MYH11: variants seen among roughly 807,000 people sequenced by gnomAD.
MYH11 encodes myosin heavy chain 11.
MYH11 carries 80 observed loss-of-function variants against 246.6 expected under a neutral mutation model. The observed-to-expected ratio is 0.32, with a 90% CI of 0.27 to 0.39. The LOEUF is 0.39. Ranked by LOEUF, MYH11 falls within the 10% of genes least tolerant of loss-of-function variation. The pLI is 1.00. For synonymous variants in MYH11, 1,071 were observed against 1,015.5 expected (o/e 1.05, Z -1.04); for missense variants, 2,158 against 2,546.8 (o/e 0.85, Z 3.29).
At chr16:15,788,095 T>TTTTTTTTTTTTTTTTTTTTTTTTTAAA in intron 4 of MYH11, among the ~76,000 whole-genome samples, 1 of 99,522 alleles carries the variant, frequency 1.0e-5, no homozygotes, top group Admixed American at 1.2e-4. Context: ...TTTTTTTTTT[T>TTTTTTTTTTTTTTTTTTTTTTTTTAAA]ACCAAGATGG....
chr16:15,748,398 C>G lies in MYH11; in HGVS notation c.2059-230G>C, dbSNP rs544873799. Among the ~76,000 whole-genome samples the G allele has an allele frequency of 2.6e-5, 4 of 152,330 alleles. No homozygotes were observed. In the South Asian group the frequency reaches 8.3e-4, roughly 32 times the overall value. ...ATGATCTCTCTGGTTCTTGGTGACA[C>G]TAGCATCGCCTGGCTGGAACCTGGG... On this transcript the variant is annotated intron_variant, in intron 16 of 40. Coordinates refer to ENST00000300036, the MANE Select transcript of MYH11 (RefSeq NM_002474.3).
At chr16:15,831,172 G>A (rs867131291) in intron 2 of MYH11, among the ~76,000 whole-genome samples, 13 of 151,950 alleles carry the variant, frequency 8.6e-5, no homozygotes, top group African/African-American at 1.4e-4. Flanking sequence ...ACTCCATCTC[G>A]AAAAATAATA....
Position 15,838,212 on chromosome 16 carries a change from A to G in MYH11, c.41T>C (p.Leu14Pro), listed in dbSNP as rs745386427. The change falls in exon 2 of 41, where the codon CTC becomes CCC. Residue 14 changes from leucine to proline, a missense_variant. Physicochemically the swap from Leu to Pro is moderately conservative, Grantham distance 98. Coordinates refer to ENST00000300036, the MANE Select transcript of MYH11 (RefSeq NM_002474.3). ...GTTGATGAAGTTTTTGTCCACAAAGAGGAACTTCTCATCGTCACTGAGTTG... is the reference window on the plus strand; with the variant it reads ...GTTGATGAAGTTTTTGTCCACAAAGGGGAACTTCTCATCGTCACTGAGTTG... The part of the protein sequence containing the change: ...KGQLSDDEKF[L>P]FVDKNFINSP... 6.2e-7 allele frequency: 1 copy of G among 1,614,074 alleles called. No individual in the cohort carries two copies. The highest frequency in any genetic ancestry group is 8.5e-7 in the Non-Finnish European group (1 of 1,180,022).
intron 24 of MYH11, 129 bp from the exon 25 acceptor site, chr16:15,737,749 G>A (rs1009453301): frequency 2.5e-5 from 23 of 926,564 alleles, no homozygotes; most frequent in African/African-American, 1.3e-4. Context: ...TCATAGTCAC[G>A]GTCTGGACCA....
intron 3 of MYH11, among the ~76,000 whole-genome samples, chr16:15,811,836 A>G (rs1281186364): frequency 6.6e-6 from 1 of 152,018 alleles, no homozygotes; most frequent in African/African-American, 2.4e-5. Context: ...TAATCCCCTG[A>G]GTGTGGCCAT....
intron 8 of MYH11, among the ~76,000 whole-genome samples, chr16:15,775,143 C>T (rs771451641): frequency 2.6e-5 from 4 of 152,170 alleles, no homozygotes; most frequent in Non-Finnish European, 5.9e-5. Flanking sequence ...TTAAGCTATG[C>T]GATTTGTATA....
chr16:15,812,359 C>T lies in MYH11; in HGVS notation c.502+10896G>A, dbSNP rs187403330. Among the ~76,000 whole-genome samples, 36 of 151,906 alleles carry T rather than the reference C, an allele frequency of 2.4e-4. No homozygotes were observed. The East Asian group carries it at 6.4e-3, about 27-fold the overall frequency. ...GAGGGCACACCCACACAGGCATGCA[C>T]GAGAAGGAAGAATGCCATAGTTGCC... On this transcript the variant is annotated intron_variant, in intron 3 of 40. Transcript: ENST00000300036.
intron 3 of MYH11, among the ~76,000 whole-genome samples, chr16:15,809,139 T>C (rs62030621): frequency 0.11 from 17,414 of 152,158 alleles, 1,137 homozygotes; most frequent in East Asian, 0.15. Flanking sequence ...TTCCCCACTC[T>C]CTGGACCTCC....
intron 9 of MYH11, among the ~76,000 whole-genome samples, chr16:15,770,821 T>A (rs540972656): frequency 1.3e-5 from 2 of 152,292 alleles, no homozygotes; most frequent in South Asian, 4.1e-4. Context: ...GAATCTACTC[T>A]GTTCTTTGGA....
chr16:15,735,908 T>C (rs2041104065), intron 25 of MYH11, among the ~76,000 whole-genome samples: 1 of 151,798 alleles, frequency 6.6e-6, no homozygotes, highest in Non-Finnish European at 1.5e-5. Flanking sequence ...TGTAGATGCT[T>C]TCTGAATGTT....
In MYH11 at chr16:15,720,566, T is replaced by C. The variant is rs144000719; in HGVS notation, c.4792-254A>G. 7.3e-3 allele frequency among the ~76,000 whole-genome samples: 1,091 copies of C among 150,232 alleles called. 12 individuals carry two copies. Among genetic ancestry groups the C allele is most frequent in the African/African-American group, 0.026 (1,062 of 40,792 alleles). On this transcript the variant is annotated intron_variant, in intron 33 of 40. Coordinates refer to ENST00000300036, the MANE Select transcript of MYH11 (RefSeq NM_002474.3). ...GAGTTCAAGACCAGCCTGGCCAACA[T>C]GGTGAAACCTTGTCTCCACTGAAAA... is the stretch of plus-strand genomic sequence containing the variant.
At chr16:15,704,774 T>C (rs2039359786) in intron 40 of MYH11, among the ~76,000 whole-genome samples, 1 of 152,238 alleles carries the variant, frequency 6.6e-6, no homozygotes, top group Admixed American at 6.5e-5. Flanking sequence ...TCGTGGAACA[T>C]ACCGCACATG....
At chr16:15,830,482 T>C (rs1367091498) in intron 2 of MYH11, among the ~76,000 whole-genome samples, 1 of 152,112 alleles carries the variant, frequency 6.6e-6, no homozygotes, top group Non-Finnish European at 1.5e-5. Flanking sequence ...ATGGCCAAAA[T>C]ACACAGTTAG....
At chr16:15,751,841 C>T (rs2041581557) in intron 15 of MYH11, among the ~76,000 whole-genome samples, 1 of 151,732 alleles carries the variant, frequency 6.6e-6, no homozygotes, top group African/African-American at 2.4e-5. Flanking sequence ...CTCTTTTGCC[C>T]AGGCTGGAGT....
chr16:15,747,150 G>A (rs961552429), intron 19 of MYH11, among the ~76,000 whole-genome samples: 1 of 152,008 alleles, frequency 6.6e-6, no homozygotes, highest in Admixed American at 6.6e-5. Context: ...AGGAGTGAGG[G>A]AGGGAGGTAA....
intron 27 of MYH11, among the ~76,000 whole-genome samples, chr16:15,727,739 C>G (rs774731389): frequency 6.6e-6 from 1 of 152,332 alleles, no homozygotes; most frequent in East Asian, 1.9e-4. Flanking sequence ...CTTTGGGAAG[C>G]AGGCAGAAGG....
chr16:15,825,717 G>A (rs2043544612), intron 2 of MYH11, among the ~76,000 whole-genome samples: 1 of 152,116 alleles, frequency 6.6e-6, no homozygotes, highest in African/African-American at 2.4e-5. Context: ...AATCAGATCA[G>A]GGACGGAGGA....
intron 4 of MYH11, among the ~76,000 whole-genome samples, chr16:15,790,085 A>AAGG (rs932904848): frequency 3.9e-5 from 6 of 152,150 alleles, no homozygotes; most frequent in African/African-American, 9.7e-5. Flanking sequence ...CGGGTGGATC[A>AAGG]CTTGAGGTCA....
rs957380880 is a variant in MYH11, at chr16:15,837,843, A to T, written c.345+65T>A. On this transcript the variant is annotated intron_variant, in intron 2 of 40. Coordinates refer to ENST00000300036, the MANE Select transcript of MYH11 (RefSeq NM_002474.3). Reference sequence around the variant, plus strand: ...AGCCACTGTGCCCAGCCCTCCCAACACATTTCTAATGCCTACTTTCCTTAT... The same window carrying T: ...AGCCACTGTGCCCAGCCCTCCCAACTCATTTCTAATGCCTACTTTCCTTAT... 14 of 1,469,206 alleles carry T rather than the reference A, an allele frequency of 9.5e-6. No homozygotes were observed. The African/African-American group carries it at 1.7e-4, about 17-fold the overall frequency. The allele number at this position is 1,469,206 out of a possible 1,614,324, so 91.0% of individuals were successfully genotyped here.
Sources: allele counts gnomAD v4.1 joint callset (sites outside exome capture counted in the v4.1 genomes callset), GRCh38; gene constraint gnomAD v4.1.1; transcripts MANE v1.5; gene names NCBI Gene and HGNC (gene_info 2026-07-23, HGNC 2026-07-21).